The following ABCA3 variants were observed in gnomAD, a reference collection of about 807,000 sequenced individuals.
ABCA3 encodes phospholipid-transporting ATPase ABCA3.
ABCA3 carries 88 observed loss-of-function variants against 172.8 expected under a neutral mutation model. That is an observed-to-expected ratio of 0.51 (90% CI 0.43 to 0.61). The LOEUF is 0.61. Among genes scored for constraint, ABCA3 ranks in the 20% least tolerant of loss-of-function variants. The pLI, the probability that ABCA3 is intolerant of heterozygous loss-of-function variation, is 0.00. For synonymous variants in ABCA3, 1,066 were observed against 983.8 expected (o/e 1.08, Z -1.56); for missense variants, 2,164 against 2,301.0 (o/e 0.94, Z 1.22).
rs61747417 is a variant in ABCA3, at chr16:2,277,923, T to G, written c.4865A>C (p.Glu1622Ala). The G allele has an allele frequency of 5.0e-5, 80 of 1,611,136 alleles. No homozygotes were observed. Among genetic ancestry groups the G allele is most frequent in the Non-Finnish European group, 6.6e-5 (78 of 1,179,990 alleles). ...GAAGGCCTTGAACTCCTCCAGCGCC[T>G]CCTGTTGCCCTTCACTCTGCACCTT... ...RAKVQSEGQQ[E>A]ALEEFKAFVD... is the part of the protein sequence containing the mutation. The change falls in exon 31 of 33, where the codon GAG (glutamate) becomes GCG (alanine). Residue 1622 changes from glutamate to alanine, a missense_variant. By Grantham distance (107) the Glu-to-Ala change is moderately radical (BLOSUM62 -1). Around this residue, in one of 3 missense-constraint regions of ABCA3, gnomAD observed 795 missense variants for 881.9 expected, o/e 0.90. Coordinates refer to ENST00000301732, the MANE Select transcript of ABCA3 (RefSeq NM_001089.3). The surrounding 1 kb of genome is among the most constrained non-coding windows in gnomAD (Gnocchi z 5.3).
At chr16:2,288,414 G>T (rs1203785982) in intron 20 of ABCA3, 85 bp from the exon 21 acceptor site, 1 of 1,444,528 alleles carries the variant, frequency 6.9e-7, no homozygotes, top group Non-Finnish European at 9.3e-7. Flanking sequence ...GTGCTGTTCT[G>T]TGTGACGCCA....
intron 1 of ABCA3, among the ~76,000 whole-genome samples, chr16:2,333,175 T>C (rs36079175): frequency 0.14 from 21,638 of 152,094 alleles, 4,963 homozygotes; most frequent in African/African-American, 0.48. Context: ...CTGGGGGTGG[T>C]GGGTCTTGAG....
At position 2,286,785 on chromosome 16, in the gene ABCA3, T is replaced by A; in HGVS notation, c.3187A>T (p.Lys1063Ter). The A allele has an allele frequency of 6.2e-7, 1 of 1,614,104 alleles. No individual in the cohort carries two copies. The highest frequency in any genetic ancestry group is 8.5e-7 in the Non-Finnish European group (1 of 1,180,010). The change falls in exon 22 of 33, where the codon AAG becomes TAG. Residue 1063 changes from lysine to a stop codon, truncating the protein, a stop_gained. Transcript: ENST00000301732. LOFTEE classifies it high-confidence loss of function. The surrounding 1 kb of genome is among the most constrained non-coding windows in gnomAD (Gnocchi z 5.2). Reference protein sequence around the residue: ...ALAVVDNLLFKLLCGPHASIV... With the variant: ...ALAVVDNLLF ...GAGGCGTGAGGCCCGCACAGCAGCT[T>A]GAACAGAAGGTTGTCCACGACGGCC...
At position 2,317,334 on chromosome 16, in the gene ABCA3, C is replaced by A. The variant is rs751145807; in HGVS notation, c.1060G>T (p.Ala354Ser). ...AAGCTGAAGGAGATGGTAGAGATGG[C>A]GAAGCACAGCAGGAAGGCGAGCACC... The part of the protein sequence containing the change: ...SLVLAFLLCF[A>S]ISTISFSFMV... Residue 354 changes from alanine (A) to serine (S), a missense_variant, in exon 10 of 33, where the codon GCC (alanine) becomes TCC (serine). By Grantham distance (99) the Ala-to-Ser change is moderately conservative. Coordinates refer to ENST00000301732, the MANE Select transcript of ABCA3 (RefSeq NM_001089.3). 1 of 1,614,000 alleles carries A rather than the reference C, an allele frequency of 6.2e-7. No individual in the cohort carries two copies. The highest frequency in any genetic ancestry group is 8.5e-7 in the Non-Finnish European group (1 of 1,180,004).
intron 1 of ABCA3, among the ~76,000 whole-genome samples, chr16:2,331,442 G>A (rs1043097489): frequency 5.3e-5 from 8 of 152,184 alleles, no homozygotes; most frequent in Admixed American, 4.6e-4. Context: ...CAAGTGATCC[G>A]CCCGCCTCGG....
chr16:2,312,591 C>T (rs2141723882), intron 10 of ABCA3, among the ~76,000 whole-genome samples: 1 of 150,290 alleles, frequency 6.7e-6, no homozygotes, highest in South Asian at 2.1e-4. Flanking sequence ...TGCAATGGCA[C>T]AGTCTCAGCC....
At chr16:2,301,424 C>T (rs1268921062) in intron 12 of ABCA3, among the ~76,000 whole-genome samples, 2 of 151,814 alleles carry the variant, frequency 1.3e-5, no homozygotes, top group Non-Finnish European at 2.9e-5. Flanking sequence ...GAAATGGCCT[C>T]GGCTGGAGGT....
chr16:2,289,402 C>A, intron 20 of ABCA3, 32 bp downstream of exon 20: 1 of 1,553,992 alleles, frequency 6.4e-7, no homozygotes, highest in South Asian at 1.2e-5. Context: ...TCGCCCTTCC[C>A]CCGCCACCCG....
chr16:2,304,500 C>CTTTTTTTTTTTTTTTTTTTTT (rs34874417), intron 11 of ABCA3, among the ~76,000 whole-genome samples: 1 of 84,004 alleles, frequency 1.2e-5, no homozygotes. Flanking sequence ...TAGCATAAGT[C>CTTTTTTTTTTTTTTTTTTTTT]TTTTTTTTTT....
intron 28 of ABCA3, among the ~76,000 whole-genome samples, chr16:2,280,550 A>C (rs922676957): frequency 5.9e-5 from 9 of 152,218 alleles, no homozygotes; most frequent in African/African-American, 1.9e-4. Context: ...GGCCCTGCTT[A>C]CCATTTCCCC....
chr16:2,287,052 C>T lies in ABCA3; in HGVS notation c.3005-85G>A. On this transcript the variant is annotated intron_variant, in intron 21 of 32. Coordinates refer to ENST00000301732, the MANE Select transcript of ABCA3 (RefSeq NM_001089.3). The surrounding 1 kb of genome is among the most constrained non-coding windows in gnomAD (Gnocchi z 4.1). Reference sequence around the variant, plus strand: ...CCACCTGAGCATGGCTAATCAGGGACCCAATAGAGTGGTGCCAGCATCCTC... The same window carrying T: ...CCACCTGAGCATGGCTAATCAGGGATCCAATAGAGTGGTGCCAGCATCCTC... 1 of 1,481,944 alleles carries T rather than the reference C, an allele frequency of 6.7e-7. No individual in the cohort carries two copies. Among genetic ancestry groups the T allele is most frequent in the South Asian group, 1.2e-5 (1 of 83,566 alleles). 91.8% of individuals were successfully genotyped at this position (1,481,944 alleles called of 1,614,324 possible).
chr16:2,314,566 C>A (rs1225230206), intron 10 of ABCA3, among the ~76,000 whole-genome samples: 1 of 150,492 alleles, frequency 6.6e-6, no homozygotes, highest in African/African-American at 2.4e-5. Context: ...ATGCTTAAAG[C>A]GGCCACAATG....
At chr16:2,307,194 A>G (rs1278857952) in intron 11 of ABCA3, among the ~76,000 whole-genome samples, 1 of 152,086 alleles carries the variant, frequency 6.6e-6, no homozygotes, top group African/African-American at 2.4e-5. Context: ...TGCCATCACC[A>G]ATCAATACAG....
rs1053529144 is a variant in ABCA3, at chr16:2,276,238, C to G, written c.*436G>C. On this transcript the variant is annotated 3_prime_UTR_variant, in exon 33 of 33. Coordinates refer to ENST00000301732, the MANE Select transcript of ABCA3 (RefSeq NM_001089.3). ...GGTCCATTCCTGGCGGCCTGGGGGC[C>G]TCGCTACAGTTCAACCTGGCTGGCT... 2.0e-5 allele frequency: 9 copies of G among 450,744 alleles called. No homozygotes were observed. Among genetic ancestry groups the G allele is most frequent in the Non-Finnish European group, 4.0e-5 (9 of 224,082 alleles). The allele number at this position is 450,744 out of a possible 1,614,324, so 27.9% of individuals were successfully genotyped here.
Position 2,279,241 on chromosome 16 carries a change from T to C in ABCA3, c.4360-111A>G. Reference sequence around the variant, plus strand: ...GCCCACCACTGCGCCTGTCTGTGGTTCCTGCCAGTGTGTGTACACGGGGGC... The same window carrying C: ...GCCCACCACTGCGCCTGTCTGTGGTCCCTGCCAGTGTGTGTACACGGGGGC... On this transcript the variant is annotated intron_variant, in intron 28 of 32. Transcript: ENST00000301732. The surrounding 1 kb of genome is among the most constrained non-coding windows in gnomAD (Gnocchi z 4.4). 1.5e-6 allele frequency: 2 copies of C among 1,303,182 alleles called. No individual in the cohort carries two copies. The allele number at this position is 1,303,182 out of a possible 1,614,324, so 80.7% of individuals were successfully genotyped here.
rs562238994 is a variant in ABCA3 at position 2,329,235 on chromosome 16, T to C, written c.-332+413A>G. 4.9e-4 allele frequency among the ~76,000 whole-genome samples: 75 copies of C among 152,302 alleles called. No individual in the cohort carries two copies. In the South Asian group the frequency reaches 0.016, roughly 32 times the overall value. ...CCCAATTCTTTTAAAATTAATAAGG[T>C]AGAAGACCTGTCTCAAAGTCAGTTG... is the stretch of plus-strand genomic sequence containing the variant. On this transcript the variant is annotated intron_variant, in intron 2 of 32. Transcript: ENST00000301732.
rs760474188 is a variant in ABCA3 at position 2,278,785 on chromosome 16, C to A, written c.4547+158G>T. On this transcript the variant is annotated intron_variant, in intron 29 of 32. Coordinates refer to ENST00000301732, the MANE Select transcript of ABCA3 (RefSeq NM_001089.3). This position sits in a 1 kb window ranked among gnomAD's most constrained non-coding sequence, Gnocchi z 4.4. ...CACTGTCAGGGCAGTCCCTTTCCTA[C>A]GTGGAGCTACCTGGGTCACACCACC... 6.6e-6 allele frequency among the ~76,000 whole-genome samples: 1 copy of A among 152,174 alleles called. No homozygotes were observed. The highest frequency in any genetic ancestry group is 1.5e-5 in the Non-Finnish European group (1 of 68,030).
rs1567339528 is a variant in ABCA3 at position 2,288,033 on chromosome 16, C to T, written c.2997G>A (p.Glu999=). Reference sequence around the variant, plus strand: ...CCCCGGGATGCCCCTTACCGAGCACCTCGCGGGGCTCCTGTCCCTCAGCCT... The same window carrying T: ...CCCCGGGATGCCCCTTACCGAGCACTTCGCGGGGCTCCTGTCCCTCAGCCT... ...ALQAEGQEPR[E]VLGDLEEFLI... is the part of the protein sequence containing the mutation. The change falls in exon 21 of 33, where the codon GAG becomes GAA. Residue 999 remains glutamate, a synonymous_variant. Transcript: ENST00000301732. 3.7e-6 allele frequency: 6 copies of T among 1,607,172 alleles called. No homozygotes were observed. The South Asian group carries it at 5.5e-5, about 15-fold the overall frequency.
In ABCA3 at chr16:2,287,952, G is replaced by T. The variant is rs111992311; in HGVS notation, c.3004+74C>A. 20 of 1,561,960 alleles carry T rather than the reference G, an allele frequency of 1.3e-5. No individual in the cohort carries two copies. The African/African-American group carries it at 1.8e-4, about 14-fold the overall frequency. On this transcript the variant is annotated intron_variant, in intron 21 of 32. Transcript: ENST00000301732. The surrounding 1 kb of genome is among the most constrained non-coding windows in gnomAD (Gnocchi z 4.1). ...ATCCTCCCCAGATGTCGACCCTGCT[G>T]CAGTCAGGAAGGCGAACTCTGGCTG... is the stretch of plus-strand genomic sequence containing the variant.
Sources: allele counts gnomAD v4.1 joint callset (sites outside exome capture counted in the v4.1 genomes callset), GRCh38; gene constraint gnomAD v4.1.1; regional missense constraint gnomAD v4.1.1; non-coding constraint Gnocchi (gnomAD v3.1); transcripts MANE v1.5; gene names NCBI Gene and HGNC (gene_info 2026-07-23, HGNC 2026-07-21).